CFAP100: variants seen among roughly 807,000 people sequenced by gnomAD.
CFAP100 encodes the protein cilia and flagella associated protein 100, also known as cilia- and flagella-associated protein 100.
A neutral mutation model predicts 81.5 loss-of-function variants in CFAP100; 70 were observed. The ratio of observed to expected loss-of-function variants is 0.86; its 90% CI spans 0.71 to 1.05. The LOEUF (loss-of-function observed/expected upper bound fraction) is 1.05. CFAP100 is among the 50% of genes least tolerant of loss of function. The probability of loss-of-function intolerance (pLI) is 0.00; values close to 1 mark genes in which losing one functional copy is unlikely to be tolerated. For synonymous variants in CFAP100, 341 were observed against 314.8 expected, an observed-to-expected ratio of 1.08 and a Z score of -0.88; for missense variants, 811 against 776.5, an observed-to-expected ratio of 1.04 and a Z score of -0.53.
intron 3 of CFAP100, among the ~76,000 whole-genome samples, chr3:126,413,487 G>C (rs188797672): frequency 6.6e-6 from 1 of 152,234 alleles, no homozygotes; most frequent in African/African-American, 2.4e-5. Context: ...TCACAGGGAG[G>C]CTGCTGGCAT....
intron 8 of CFAP100, 80 bp downstream of exon 8, chr3:126,419,236 A>C: frequency 1.1e-6 from 1 of 926,544 alleles, no homozygotes; most frequent in Non-Finnish European, 1.6e-6. Flanking sequence ...AGGGAAGCCT[A>C]GCACCATGTG....
Position 126,419,791 on chromosome 3 carries a change from AGTG to A in CFAP100, c.887_889del (p.Ser296_Val297delinsIle). 1 of 1,613,968 alleles carries A rather than the reference AGTG, an allele frequency of 6.2e-7. No homozygotes were observed. The highest frequency in any genetic ancestry group is 8.5e-7 in the Non-Finnish European group (1 of 1,180,046). ...GGTCTCCGAGGCTTCCAAAGAGAGCAGTGTTAACTCCACACCAGGGGACAAAGG... is the reference window on the plus strand; with the variant it reads ...GGTCTCCGAGGCTTCCAAAGAGAGCATTAACTCCACACCAGGGGACAAAGG... On this transcript the variant is annotated inframe_deletion, in exon 9 of 17. Coordinates refer to ENST00000352312, the MANE Select transcript of CFAP100 (RefSeq NM_182628.3).
intron 3 of CFAP100, among the ~76,000 whole-genome samples, chr3:126,411,722 A>C (rs2083159825): frequency 6.6e-6 from 1 of 151,900 alleles, no homozygotes; most frequent in African/African-American, 2.4e-5. Context: ...GTCTTAAATG[A>C]TCTTTTGTAT....
At chr3:126,403,601 T>A (rs921664399) in intron 2 of CFAP100, among the ~76,000 whole-genome samples, 1 of 152,132 alleles carries the variant, frequency 6.6e-6, no homozygotes, top group Non-Finnish European at 1.5e-5. Context: ...CAGGCTGTAG[T>A]TGGACTCCTG....
At chr3:126,417,488 C>T (rs920153441) in intron 5 of CFAP100, among the ~76,000 whole-genome samples, 2 of 152,308 alleles carry the variant, frequency 1.3e-5, no homozygotes, top group African/African-American at 4.8e-5. Context: ...TGGGGAGTGG[C>T]GCCCTGAGCT....
At chr3:126,432,353 G>A (rs528028680) in intron 13 of CFAP100, among the ~76,000 whole-genome samples, 5 of 150,120 alleles carry the variant, frequency 3.3e-5, no homozygotes, top group South Asian at 4.2e-4. Flanking sequence ...ATATATATTC[G>A]TGAGAATTGA....
intron 16 of CFAP100, 41 bp downstream of exon 16, chr3:126,435,693 C>T (rs1208313800): frequency 1.3e-6 from 2 of 1,516,760 alleles, no homozygotes; most frequent in African/African-American, 1.4e-5. Context: ...TGGAGGGGGT[C>T]CCAAGACAGC....
chr3:126,434,079 C>A, intron 14 of CFAP100, 97 bp from the exon 15 acceptor site: 1 of 1,069,498 alleles, frequency 9.4e-7, no homozygotes, highest in Non-Finnish European at 1.4e-6. Flanking sequence ...AAGCGGTGGC[C>A]CCCACCCTGG....
chr3:126,416,255 G>C, intron 4 of CFAP100, 61 bp from the exon 5 acceptor site: 4 of 1,205,120 alleles, frequency 3.3e-6, no homozygotes, highest in Non-Finnish European at 4.6e-6. Flanking sequence ...GGAACCGCGC[G>C]GGGAGGCCTG....
rs183932373 is a variant in CFAP100, at chr3:126,395,917, G to T, written c.-59-25G>T. 213 of 1,213,988 alleles carry T rather than the reference G, an allele frequency of 1.8e-4. 3 individuals carry two copies. In the African/African-American group the frequency reaches 2.5e-3, roughly 14 times the overall value. 75.2% of individuals were successfully genotyped at this position (1,213,988 alleles called of 1,614,324 possible). A position where few individuals can be genotyped will look rare whatever the true frequency, so the allele number is the denominator to read the frequency against. On this transcript the variant is annotated intron_variant, in intron 1 of 16. Coordinates refer to ENST00000352312, the MANE Select transcript of CFAP100 (RefSeq NM_182628.3). ...AAGCTCTGGGCTTGGGGACCACCAG[G>T]CTCAAGCACTGTGTCACTCCTCAGG... is the stretch of plus-strand genomic sequence containing the variant.
chr3:126,410,279 T>C (rs1438263298), intron 3 of CFAP100, among the ~76,000 whole-genome samples: 2 of 152,256 alleles, frequency 1.3e-5, no homozygotes, highest in African/African-American at 2.4e-5. Flanking sequence ...TTTAGTGTCT[T>C]ATTTTAAAAC....
chr3:126,415,499 T>C (rs1314666935), intron 4 of CFAP100, among the ~76,000 whole-genome samples: 1 of 152,136 alleles, frequency 6.6e-6, no homozygotes, highest in Non-Finnish European at 1.5e-5. Flanking sequence ...GGCCACCTTG[T>C]ACCCTGAGGA....
rs961852194 is a variant in CFAP100, at chr3:126,434,557, G to A, written c.1628+176G>A. On this transcript the variant is annotated intron_variant, in intron 15 of 16. Transcript: ENST00000352312. ...CTAGAGGGGCATCACAGTCAAGTGG[G>A]GGGTGGTTAGGGAAAGCTTCCTAGA... The A allele has an allele frequency of 4.2e-5, 27 of 647,716 alleles. 1 individual carries two copies. The highest frequency in any genetic ancestry group is 6.2e-5 in the Non-Finnish European group (24 of 384,876). 40.1% of individuals were successfully genotyped at this position (647,716 alleles called of 1,614,324 possible). A position where few individuals can be genotyped will look rare whatever the true frequency, so the allele number is the denominator to read the frequency against.
At chr3:126,404,655 G>A (rs962861030) in intron 2 of CFAP100, among the ~76,000 whole-genome samples, 10 of 152,098 alleles carry the variant, frequency 6.6e-5, no homozygotes, top group South Asian at 4.2e-4. Flanking sequence ...AGTCTCTCCC[G>A]GTCATTCACA....
intron 4 of CFAP100, among the ~76,000 whole-genome samples, chr3:126,415,975 T>G (rs2083229991): frequency 6.6e-6 from 1 of 152,148 alleles, no homozygotes; most frequent in African/African-American, 2.4e-5. Context: ...TCCCTGCCCC[T>G]GGGTTGGTCA....
chr3:126,395,897 C>G, intron 1 of CFAP100, 45 bp from the exon 2 acceptor site: 2 of 996,134 alleles, frequency 2.0e-6, no homozygotes, highest in Admixed American at 1.9e-5. Context: ...GAAGGAAGCT[C>G]TGGGCTTGGG....
At chr3:126,409,716 T>C (rs1344049618) in intron 3 of CFAP100, among the ~76,000 whole-genome samples, 1 of 152,222 alleles carries the variant, frequency 6.6e-6, no homozygotes, top group Non-Finnish European at 1.5e-5. Flanking sequence ...CTGGGCCATT[T>C]GATGATTCTG....
intron 5 of CFAP100, among the ~76,000 whole-genome samples, chr3:126,417,120 G>A (rs1442492008): frequency 6.6e-6 from 1 of 152,218 alleles, no homozygotes; most frequent in Non-Finnish European, 1.5e-5. Context: ...GAAAGAGCAT[G>A]GAGCTGGACC....
chr3:126,419,795 T>C lies in CFAP100; in HGVS notation c.890T>C (p.Val297Ala). ...EVSEASKESS[V>A]NSTPGDKGPG... ...TCCGAGGCTTCCAAAGAGAGCAGTG[T>C]TAACTCCACACCAGGGGACAAAGGT... is the stretch of plus-strand genomic sequence containing the variant. The change falls in exon 9 of 17, where the codon GTT becomes GCT. Residue 297 changes from valine to alanine, a missense_variant. Transcript: ENST00000352312. 6.2e-7 allele frequency: 1 copy of C among 1,613,920 alleles called. No homozygotes were observed. Among genetic ancestry groups the C allele is most frequent in the Non-Finnish European group, 8.5e-7 (1 of 1,180,044 alleles).
Sources: gnomAD v4.1 joint callset for allele counts (sites outside exome capture counted in the v4.1 genomes callset) on GRCh38, gnomAD v4.1.1 for gene constraint, MANE v1.5 for transcripts, NCBI Gene and HGNC (gene_info 2026-07-23, HGNC 2026-07-21) for gene names.